Variants in NLRP1 observed in about 807,000 individuals in gnomAD.
NLRP1 encodes NLR family pyrin domain containing 1, also known as NACHT, LRR and PYD domains-containing protein 1.
Under a neutral mutation model 136.7 loss-of-function variants are expected in NLRP1, and 94 were observed. The observed-to-expected ratio is 0.69, with a 90% CI of 0.58 to 0.82. The LOEUF (loss-of-function observed/expected upper bound fraction) is 0.82, where lower values mean the gene tolerates loss of function less well. Among genes scored for constraint, NLRP1 ranks in the 40% least tolerant of loss-of-function variants. NLRP1 has a pLI of 0.00. For missense variants in NLRP1, 1,575 were observed against 1,802.7 expected, an observed-to-expected ratio of 0.87 and a Z score of 2.29; for synonymous variants, 690 against 725.1, an observed-to-expected ratio of 0.95 and a Z score of 0.78.
chr17:5,519,245 G>A (rs370113030), intron 14 of NLRP1, among the ~76,000 whole-genome samples: 1 of 151,286 alleles, frequency 6.6e-6, no homozygotes, highest in Non-Finnish European at 1.5e-5. Context: ...CTTGTGATCC[G>A]CCCGCCTCAG....
rs1911873119 is a variant in NLRP1, at chr17:5,541,601, GCCCCCTGTC to G, written c.2699+247_2699+255del. Among the ~76,000 whole-genome samples the G allele has an allele frequency of 6.6e-6, 1 of 152,242 alleles. No individual in the cohort carries two copies. The highest frequency in any genetic ancestry group is 3.4e-3 in the Middle Eastern group (1 of 294). ...GTCTGTGAAAATGGCCACAAATTCT[GCCCCCTGTC>G]CCCACCTTGCATTCACGTCCCTTGA... On this transcript the variant is annotated intron_variant, in intron 6 of 16. Coordinates refer to ENST00000572272, the MANE Select transcript of NLRP1 (RefSeq NM_033004.4). The surrounding 1 kb of genome is among the most constrained non-coding windows in gnomAD (Gnocchi z 4.2).
intron 3 of NLRP1, among the ~76,000 whole-genome samples, chr17:5,574,523 A>T (rs998670151): frequency 2.6e-5 from 4 of 152,332 alleles, no homozygotes; most frequent in African/African-American, 9.6e-5. Context: ...ACCAAAGCTG[A>T]AATGAAGGAA....
chr17:5,563,422 G>C (rs1312848132), intron 3 of NLRP1, among the ~76,000 whole-genome samples: 2 of 152,200 alleles, frequency 1.3e-5, no homozygotes, highest in Non-Finnish European at 2.9e-5. Context: ...GGTCATTTTA[G>C]GAAAGAACCA....
intron 6 of NLRP1, among the ~76,000 whole-genome samples, chr17:5,539,914 T>A (rs1451562881): frequency 6.6e-6 from 1 of 152,182 alleles, no homozygotes. Flanking sequence ...TCTCTTTTTC[T>A]TTTTTCTTTT....
chr17:5,553,974 T>G (rs1489471512), intron 4 of NLRP1, among the ~76,000 whole-genome samples: 1 of 152,096 alleles, frequency 6.6e-6, no homozygotes, highest in Non-Finnish European at 1.5e-5. Flanking sequence ...TAAAAAAAAT[T>G]TGACAGCCTT....
intron 11 of NLRP1, among the ~76,000 whole-genome samples, chr17:5,531,071 G>T (rs994225068): frequency 6.6e-6 from 1 of 152,116 alleles, no homozygotes; most frequent in Non-Finnish European, 1.5e-5. Context: ...ACAAGTGTTC[G>T]TATATGTAAG....
At chr17:5,580,078 A>G (rs955643910) in intron 3 of NLRP1, among the ~76,000 whole-genome samples, 4 of 152,108 alleles carry the variant, frequency 2.6e-5, no homozygotes, top group Admixed American at 2.6e-4. Flanking sequence ...TACTAAAAAT[A>G]CAAAAAATTA....
intron 15 of NLRP1, among the ~76,000 whole-genome samples, chr17:5,507,897 A>G (rs1168155392): frequency 6.6e-6 from 1 of 152,004 alleles, no homozygotes; most frequent in African/African-American, 2.4e-5. Flanking sequence ...GCACTTCGGG[A>G]GGCTTAGGTG....
At chr17:5,579,581 T>C (rs897681246) in intron 3 of NLRP1, among the ~76,000 whole-genome samples, 5 of 152,248 alleles carry the variant, frequency 3.3e-5, no homozygotes, top group Non-Finnish European at 7.3e-5. Flanking sequence ...AATCCCATTA[T>C]TGGGTATATA....
chr17:5,558,900 GCC>G lies in NLRP1; in HGVS notation c.1794_1795del (p.Ala599HisfsTer41). The G allele has an allele frequency of 6.2e-7, 1 of 1,614,108 alleles. No homozygotes were observed. Among genetic ancestry groups the G allele is most frequent in the Non-Finnish European group, 8.5e-7 (1 of 1,179,984 alleles). ...CATCTTCAAGAAGGTGGAGATGATG[GCC>G]CCATCTAACCCATGCTTCCTGAGGT... On this transcript the variant is annotated frameshift_variant, in exon 4 of 17. Coordinates refer to ENST00000572272, the MANE Select transcript of NLRP1 (RefSeq NM_033004.4). LOFTEE classifies it high-confidence loss of function.
intron 12 of NLRP1, among the ~76,000 whole-genome samples, chr17:5,527,327 C>A (rs1298151044): frequency 6.6e-6 from 1 of 152,188 alleles, no homozygotes; most frequent in African/African-American, 2.4e-5. Flanking sequence ...CATCGAAAGC[C>A]ATCCTGGGCC....
In NLRP1 at chr17:5,515,458, AG is replaced by A; in HGVS notation, c.4102+14del. 6.2e-7 allele frequency: 1 copy of A among 1,607,108 alleles called. No homozygotes were observed. Reference sequence around the variant, plus strand: ...CTGCCACCGCCTCCTGTGGTCTCTGAGAGCTGTTACTGACCTATGCGGGCTG... The same window carrying A: ...CTGCCACCGCCTCCTGTGGTCTCTGAAGCTGTTACTGACCTATGCGGGCTG... On this transcript the variant is annotated intron_variant, in intron 16 of 16. Transcript: ENST00000572272.
chr17:5,530,365 C>A, intron 12 of NLRP1, 116 bp downstream of exon 12: 4 of 833,748 alleles, frequency 4.8e-6, no homozygotes, highest in Non-Finnish European at 7.7e-6. Context: ...TCCATAACCC[C>A]CCCTCGGCCC....
intron 3 of NLRP1, among the ~76,000 whole-genome samples, chr17:5,571,673 C>G (rs536060022): frequency 6.6e-6 from 1 of 152,300 alleles, no homozygotes; most frequent in South Asian, 2.1e-4. Context: ...CGCCATACTA[C>G]TCCAAGCAAT....
chr17:5,522,801 G>A (rs1285500211), intron 12 of NLRP1, among the ~76,000 whole-genome samples: 1 of 152,192 alleles, frequency 6.6e-6, no homozygotes, highest in African/African-American at 2.4e-5. Flanking sequence ...CTCTATGAGA[G>A]ACCATTGAGT....
intron 9 of NLRP1, 100 bp downstream of exon 9, chr17:5,533,797 C>T (rs35548793): frequency 0.047 from 38,065 of 808,428 alleles, 1,003 homozygotes; most frequent in Middle Eastern, 0.082. Flanking sequence ...AAACCTGCCC[C>T]GTCCCACATC....
In NLRP1 at chr17:5,521,775, C is replaced by T. The variant is rs375128266; in HGVS notation, c.3532G>A (p.Asp1178Asn). 1 of 1,596,476 alleles carries T rather than the reference C, an allele frequency of 6.3e-7. No individual in the cohort carries two copies. Among genetic ancestry groups the T allele is most frequent in the African/African-American group, 1.3e-5 (1 of 74,162 alleles). Reference sequence around the variant, plus strand: ...TGGGCCATTTGGAACAGGGATGTGTCCACATGGCCCCCTGTAAAAGAATGG... The same window carrying T: ...TGGGCCATTTGGAACAGGGATGTGTTCACATGGCCCCCTGTAAAAGAATGG... ...HFVALQGGHV[D>N]TSLFQMAHFK... The change falls in exon 13 of 17, where the codon GAC (aspartate) becomes AAC (asparagine). Residue 1178 changes from aspartate (D) to asparagine (N), a missense_variant. Asp to Asn is a conservative substitution (Grantham distance 23). Transcript: ENST00000572272.
intron 12 of NLRP1, among the ~76,000 whole-genome samples, chr17:5,523,440 T>G (rs926251315): frequency 2.6e-5 from 4 of 152,342 alleles, no homozygotes; most frequent in South Asian, 4.1e-4. Context: ...TGCCCTTGGT[T>G]TCTCTGAGTC....
chr17:5,515,100 A>G lies in NLRP1; in HGVS notation c.4103-27T>C, dbSNP rs1355314315. ...TGGCAACGAACAAAGAAGGGCTCCA[A>G]CCACAGCCTCCACCTCCAATCCCCA... is the stretch of plus-strand genomic sequence containing the variant. On this transcript the variant is annotated intron_variant, in intron 16 of 16. Transcript: ENST00000572272. The G allele has an allele frequency of 1.9e-6, 3 of 1,601,682 alleles. No individual in the cohort carries two copies. In the African/African-American group the frequency reaches 4.0e-5, roughly 21 times the overall value.
Sources: gnomAD v4.1 joint callset for allele counts (sites outside exome capture counted in the v4.1 genomes callset) on GRCh38, gnomAD v4.1.1 for gene constraint, Gnocchi (gnomAD v3.1) non-coding constraint, MANE v1.5 for transcripts, NCBI Gene and HGNC (gene_info 2026-07-23, HGNC 2026-07-21) for gene names.